SPOCK1: variants seen among roughly 807,000 people sequenced by gnomAD.
SPOCK1 encodes the protein SPARC (osteonectin), cwcv and kazal like domains proteoglycan 1.
In SPOCK1, 23 loss-of-function variants were observed where a neutral mutation model predicts 55.3. The observed-to-expected ratio is 0.42, with a 90% CI of 0.30 to 0.59. The LOEUF (loss-of-function observed/expected upper bound fraction) is 0.59. Among genes scored for constraint, SPOCK1 ranks in the 20% least tolerant of loss-of-function variants. The pLI is 0.22. For missense variants in SPOCK1, 499 were observed against 552.5 expected, an observed-to-expected ratio of 0.90 and a Z score of 0.97; for synonymous variants, 226 against 221.0, an observed-to-expected ratio of 1.02 and a Z score of -0.20.
chr5:137,209,401 T>C (rs556186389), intron 3 of SPOCK1, among the ~76,000 whole-genome samples: 2 of 152,236 alleles, frequency 1.3e-5, no homozygotes, highest in South Asian at 4.1e-4. Flanking sequence ...CGCAAGTAGA[T>C]GTGGAGGTAG....
In SPOCK1 at chr5:137,498,578, G is replaced by T; in HGVS notation, c.1-20C>A. 7.0e-7 allele frequency: 1 copy of T among 1,427,474 alleles called. No homozygotes were observed. The highest frequency in any genetic ancestry group is 9.1e-7 in the Non-Finnish European group (1 of 1,099,402). 88.4% of individuals were successfully genotyped at this position (1,427,474 alleles called of 1,614,324 possible). On this transcript the variant is annotated intron_variant, in intron 1 of 10. Coordinates refer to ENST00000394945, the MANE Select transcript of SPOCK1 (RefSeq NM_004598.4). The stretch of plus-strand genomic sequence containing the variant: ...CGGCATCTGCGGGGCAGGGCGCGCA[G>T]GGCGATGAGCGAAGAGGGCGGGCGG...
At chr5:137,413,258 C>T (rs1461279420) in intron 2 of SPOCK1, among the ~76,000 whole-genome samples, 2 of 151,996 alleles carry the variant, frequency 1.3e-5, no homozygotes, top group African/African-American at 4.8e-5. Context: ...AATTATACTG[C>T]ATTTAAATAT....
At chr5:137,005,565 G>C (rs1414388035) in intron 6 of SPOCK1, among the ~76,000 whole-genome samples, 1 of 152,124 alleles carries the variant, frequency 6.6e-6, no homozygotes, top group Non-Finnish European at 1.5e-5. Context: ...GAGAGATAAG[G>C]AGTCAATGAG....
intron 2 of SPOCK1, among the ~76,000 whole-genome samples, chr5:137,325,652 C>G (rs1292190444): frequency 2.0e-5 from 3 of 152,200 alleles, no homozygotes; most frequent in Non-Finnish European, 4.4e-5. Flanking sequence ...CAGAAAGGAG[C>G]AAATCAAAGG....
At position 137,350,795 on chromosome 5, in the gene SPOCK1, T is replaced by TTGTG. The variant is rs111548796; in HGVS notation, c.187-83744_187-83741dup. ...AAAAGCAGGAAGGAATCATATAGGG[T>TTGTG]TGTGTGTGTGTGTGTGTGTGTGTCC... On this transcript the variant is annotated intron_variant, in intron 2 of 10. Transcript: ENST00000394945. Among the ~76,000 whole-genome samples, 149 of 148,476 alleles carry TTGTG rather than the reference T, an allele frequency of 1.0e-3. 1 individual carries two copies. Among genetic ancestry groups the TTGTG allele is most frequent in the African/African-American group, 2.6e-3 (104 of 40,530 alleles).
chr5:137,345,503 G>C (rs1042536211), intron 2 of SPOCK1, among the ~76,000 whole-genome samples: 1 of 152,162 alleles, frequency 6.6e-6, no homozygotes, highest in African/African-American at 2.4e-5. Context: ...GAATCACCTA[G>C]GGCTTGGTCA....
intron 3 of SPOCK1, among the ~76,000 whole-genome samples, chr5:137,262,421 G>A (rs776144736): frequency 6.6e-6 from 1 of 152,176 alleles, no homozygotes; most frequent in Non-Finnish European, 1.5e-5. Flanking sequence ...AAACTGACCT[G>A]TCACCTGTAT....
chr5:137,384,961 G>C (rs1357612192), intron 2 of SPOCK1, among the ~76,000 whole-genome samples: 2 of 152,152 alleles, frequency 1.3e-5, no homozygotes, highest in Non-Finnish European at 2.9e-5. Context: ...GTAGGATGGG[G>C]GGGGCGGTGC....
At chr5:137,215,823 G>C (rs555631751) in intron 3 of SPOCK1, among the ~76,000 whole-genome samples, 1 of 152,088 alleles carries the variant, frequency 6.6e-6, no homozygotes, top group Non-Finnish European at 1.5e-5. Context: ...GATGCATAAC[G>C]GTTCATTTCA....
intron 2 of SPOCK1, among the ~76,000 whole-genome samples, chr5:137,389,235 T>C (rs1161570288): frequency 1.3e-5 from 2 of 152,212 alleles, no homozygotes; most frequent in Non-Finnish European, 2.9e-5. Flanking sequence ...CCAAGAGCTT[T>C]CTAGGCTTCC....
intron 5 of SPOCK1, among the ~76,000 whole-genome samples, chr5:137,083,814 G>A (rs1441193560): frequency 6.6e-6 from 1 of 151,932 alleles, no homozygotes; most frequent in African/African-American, 2.4e-5. Context: ...GCTTGGGGAA[G>A]TTTGCCAGGC....
At chr5:137,337,011 G>C (rs1750296024) in intron 2 of SPOCK1, among the ~76,000 whole-genome samples, 1 of 152,192 alleles carries the variant, frequency 6.6e-6, no homozygotes, top group South Asian at 2.1e-4. Context: ...CAGTGACACT[G>C]TCTCCCTTAC....
chr5:137,364,495 A>T (rs192005758), intron 2 of SPOCK1, among the ~76,000 whole-genome samples: 107 of 152,328 alleles, frequency 7.0e-4, no homozygotes, highest in South Asian at 4.1e-4. Flanking sequence ...GCTGCAGAAC[A>T]AAGAGCTTTT....
intron 6 of SPOCK1, among the ~76,000 whole-genome samples, chr5:137,027,717 C>A (rs555852661): frequency 5.9e-5 from 9 of 152,106 alleles, no homozygotes; most frequent in Admixed American, 5.9e-4. Flanking sequence ...CTTCCATCAA[C>A]CCCCTTGCAG....
At chr5:137,140,789 C>T (rs955790840) in intron 3 of SPOCK1, 95 bp from the exon 4 acceptor site, 22 of 758,874 alleles carry the variant, frequency 2.9e-5, no homozygotes, top group East Asian at 6.2e-5. Context: ...GACGGACTCT[C>T]GCTGTGTTGC....
intron 2 of SPOCK1, among the ~76,000 whole-genome samples, chr5:137,388,866 C>T (rs1452573064): frequency 3.3e-5 from 5 of 152,196 alleles, no homozygotes; most frequent in Non-Finnish European, 5.9e-5. Context: ...CTTGCCAACA[C>T]TCACAGCTGT....
chr5:137,165,910 A>T (rs1382533167), intron 3 of SPOCK1, among the ~76,000 whole-genome samples: 1 of 152,126 alleles, frequency 6.6e-6, no homozygotes, highest in Non-Finnish European at 1.5e-5. Context: ...CACATAAAAG[A>T]TCTAAAAAAA....
intron 2 of SPOCK1, among the ~76,000 whole-genome samples, chr5:137,271,845 G>A (rs1040212971): frequency 5.9e-5 from 9 of 152,212 alleles, no homozygotes; most frequent in African/African-American, 2.2e-4. Flanking sequence ...TAGTTCTCAT[G>A]AAACCGATCG....
intron 3 of SPOCK1, among the ~76,000 whole-genome samples, chr5:137,262,059 C>A (rs1409324413): frequency 6.6e-6 from 1 of 152,130 alleles, no homozygotes; most frequent in Non-Finnish European, 1.5e-5. Flanking sequence ...AATAAGTTTC[C>A]ATTTTCTTCT....
Sources: gnomAD v4.1 joint callset for allele counts (sites outside exome capture counted in the v4.1 genomes callset) on GRCh38, gnomAD v4.1.1 for gene constraint, MANE v1.5 for transcripts, NCBI Gene and HGNC (gene_info 2026-07-23, HGNC 2026-07-21) for gene names.